Variants in AFDN observed in about 807,000 individuals in gnomAD.
AFDN encodes the protein afadin, adherens junction formation factor.
In AFDN, 68 loss-of-function variants were observed where a neutral mutation model predicts 216.6. The ratio of observed to expected loss-of-function variants is 0.31; its 90% CI spans 0.26 to 0.38. AFDN has a LOEUF of 0.38. AFDN is among the 10% of genes least tolerant of loss of function. AFDN has a pLI of 1.00. For synonymous variants in AFDN, 868 were observed against 853.7 expected, an observed-to-expected ratio of 1.02 and a Z score of -0.29; for missense variants, 2,136 against 2,342.0, an observed-to-expected ratio of 0.91 and a Z score of 1.82.
chr6:167,850,443 A>T (rs1162583401), intron 1 of AFDN, among the ~76,000 whole-genome samples: 1 of 152,156 alleles, frequency 6.6e-6, no homozygotes, highest in Non-Finnish European at 1.5e-5. Context: ...AGTGCTGTGA[A>T]TTCAATTTTT....
chr6:167,845,619 G>A lies in AFDN; in HGVS notation c.105+18382G>A, dbSNP rs551614973. On this transcript the variant is annotated intron_variant, in intron 1 of 33. Transcript: ENST00000683244. ...TCCAACTCCTGACCTCAGGTGATCC[G>A]TCTGCCTCGGCTTCCCAAAGTGCTG... Among the ~76,000 whole-genome samples, 13 of 152,202 alleles carry A rather than the reference G, an allele frequency of 8.5e-5. No individual in the cohort carries two copies. In the East Asian group the frequency reaches 2.1e-3, roughly 25 times the overall value.
chr6:167,920,995 C>T (rs753509943), intron 21 of AFDN, among the ~76,000 whole-genome samples: 8 of 152,172 alleles, frequency 5.3e-5, no homozygotes, highest in African/African-American at 1.2e-4. Context: ...CTGTCCTCCA[C>T]GCTTAGTGAG....
At chr6:167,901,947 G>C (rs147372583) in intron 11 of AFDN, among the ~76,000 whole-genome samples, 2 of 151,946 alleles carry the variant, frequency 1.3e-5, no homozygotes, top group African/African-American at 2.4e-5. Context: ...ACAATAATTA[G>C]CCGGGCATGG....
At chr6:167,826,719 C>A, upstream of AFDN, 1 of 428,314 alleles carries the variant, frequency 2.3e-6, no homozygotes, top group Non-Finnish European at 4.6e-6. Flanking sequence ...CCAGTCCAGA[C>A]GGAACCCTAG....
At chr6:167,935,162 T>C (rs1163963130) in intron 23 of AFDN, among the ~76,000 whole-genome samples, 2 of 152,194 alleles carry the variant, frequency 1.3e-5, no homozygotes, top group African/African-American at 4.8e-5. Flanking sequence ...CCCTCGTTAG[T>C]CCCATCCCCA....
At chr6:167,929,622 C>T (rs1428110126) in intron 23 of AFDN, among the ~76,000 whole-genome samples, 1 of 152,192 alleles carries the variant, frequency 6.6e-6, no homozygotes, top group South Asian at 2.1e-4. Context: ...TTTTGAGCAC[C>T]CGCTCTATTT....
Position 167,967,296 on chromosome 6 carries a change from A to G in AFDN, c.5257+1251A>G, listed in dbSNP as rs73788657. Among the ~76,000 whole-genome samples the G allele has an allele frequency of 7.4e-4, 112 of 152,328 alleles. 1 individual carries two copies. Among genetic ancestry groups the G allele is most frequent in the African/African-American group, 2.6e-3 (108 of 41,564 alleles). ...GTCAAATATTCTAAGAGTCAGTGTA[A>G]CTGTCACCCTTACAAATAACAGATT... On this transcript the variant is annotated intron_variant, in intron 32 of 33. Transcript: ENST00000683244.
chr6:167,849,149 AATTGG>A (rs66785788), intron 1 of AFDN, among the ~76,000 whole-genome samples: 45,496 of 151,718 alleles, frequency 0.3, 7,765 homozygotes, highest in East Asian at 0.59. Flanking sequence ...TTGTTGTGAA[AATTGG>A]AGTAGATAAC....
intron 5 of AFDN, among the ~76,000 whole-genome samples, chr6:167,878,607 G>GTCTCTC (rs10677317): frequency 1.2e-3 from 180 of 149,300 alleles, no homozygotes; most frequent in Middle Eastern, 6.8e-3. Flanking sequence ...CTCTCTCTCT[G>GTCTCTC]TCTCTCTCTC....
At chr6:167,913,790 A>G (rs1217498119) in intron 16 of AFDN, 3 of 395,184 alleles carry the variant, frequency 7.6e-6, no homozygotes, top group East Asian at 9.3e-5. Flanking sequence ...GCCAGTGACT[A>G]CAAGTATCAG....
chr6:167,862,139 T>G (rs1783647153), intron 1 of AFDN, among the ~76,000 whole-genome samples: 1 of 152,138 alleles, frequency 6.6e-6, no homozygotes. Flanking sequence ...TTTTCTAAAG[T>G]GCCATTTTAG....
At chr6:167,834,069 T>C (rs144966564) in intron 1 of AFDN, among the ~76,000 whole-genome samples, 1 of 152,336 alleles carries the variant, frequency 6.6e-6, no homozygotes, top group East Asian at 1.9e-4. Context: ...ACTTTTTACA[T>C]TAATTTCATT....
At chr6:167,959,240 G>A (rs1252874527) in intron 30 of AFDN, among the ~76,000 whole-genome samples, 1 of 152,216 alleles carries the variant, frequency 6.6e-6, no homozygotes, top group Non-Finnish European at 1.5e-5. Context: ...AAAAAAGTGT[G>A]TGGGCTGTGC....
At chr6:167,926,139 T>C (rs2128521526) in intron 23 of AFDN, among the ~76,000 whole-genome samples, 1 of 152,350 alleles carries the variant, frequency 6.6e-6, no homozygotes, top group Admixed American at 6.5e-5. Context: ...TGGAAATAAA[T>C]GGACTGTCAT....
At chr6:167,889,366 A>G (rs758861964) in intron 7 of AFDN, 40 bp downstream of exon 7, 3 of 1,347,230 alleles carry the variant, frequency 2.2e-6, no homozygotes, top group East Asian at 2.3e-5. Context: ...CCAGATTCCT[A>G]TGTGATATAC....
At chr6:167,963,543 G>C in intron 31 of AFDN, 4 of 1,057,108 alleles carry the variant, frequency 3.8e-6, no homozygotes, top group Non-Finnish European at 4.6e-6. Flanking sequence ...TTAGGATACA[G>C]AACAATCTAA....
chr6:167,963,833 G>A lies in AFDN; in HGVS notation c.4968+1266G>A, dbSNP rs141873797. 4.3e-4 allele frequency: 459 copies of A among 1,063,436 alleles called. 3 individuals are homozygous for A. In the African/African-American group the frequency reaches 6.9e-3, roughly 16 times the overall value. 65.9% of individuals were successfully genotyped at this position (1,063,436 alleles called of 1,614,324 possible). On this transcript the variant is annotated intron_variant, in intron 31 of 33. Transcript: ENST00000683244. ...AATCAGATTTACAAAATGCTGAGCC[G>A]CTTGATGTCTAAGTGTTGGTGGTTT... is the stretch of plus-strand genomic sequence containing the variant.
At chr6:167,874,423 A>G (rs1386159220) in intron 4 of AFDN, among the ~76,000 whole-genome samples, 1 of 152,116 alleles carries the variant, frequency 6.6e-6, no homozygotes, top group Non-Finnish European at 1.5e-5. Flanking sequence ...AATTTAGTTA[A>G]GTATGTCAGT....
chr6:167,903,587 C>T (rs905155287), intron 12 of AFDN, among the ~76,000 whole-genome samples: 1 of 152,192 alleles, frequency 6.6e-6, no homozygotes, highest in African/African-American at 2.4e-5. Flanking sequence ...TATTGAATGC[C>T]ATGGTGCCAC....
Sources: allele counts gnomAD v4.1 joint callset (sites outside exome capture counted in the v4.1 genomes callset), GRCh38; gene constraint gnomAD v4.1.1; transcripts MANE v1.5; gene names NCBI Gene and HGNC (gene_info 2026-07-23, HGNC 2026-07-21).